The following RAI1 variants were observed in gnomAD, a reference collection of about 807,000 sequenced individuals.
RAI1 encodes retinoic acid induced 1.
Under a neutral mutation model 123.8 loss-of-function variants are expected in RAI1, and 9 were observed. The observed-to-expected ratio is 0.07, with a 90% CI of 0.04 to 0.13. The LOEUF (loss-of-function observed/expected upper bound fraction) is 0.13, where lower values mean the gene tolerates loss of function less well. Ranked by LOEUF, RAI1 falls within the 10% of genes least tolerant of loss-of-function variation. RAI1 has a pLI of 1.00. For synonymous variants in RAI1, 1,231 were observed against 1,127.3 expected (o/e 1.09, Z -1.84); for missense variants, 2,256 against 2,545.8 (o/e 0.89, Z 2.45).
intron 1 of RAI1, among the ~76,000 whole-genome samples, chr17:17,695,649 C>T (rs532884656): frequency 6.6e-6 from 1 of 152,214 alleles, no homozygotes; most frequent in African/African-American, 2.4e-5. Flanking sequence ...GCCTCAGCCT[C>T]CCGAGTAGCT....
At chr17:17,723,667 C>A (rs545988772) in intron 1 of RAI1, among the ~76,000 whole-genome samples, 1 of 147,190 alleles carries the variant, frequency 6.8e-6, no homozygotes, top group Non-Finnish European at 1.5e-5. Flanking sequence ...TCATCTCTCG[C>A]CCCCCCGCCC....
chr17:17,756,483 A>G lies in RAI1; in HGVS notation c.-17+32324A>G, dbSNP rs757428507. ...AAGTGCTGGGATTACAGGTGTGAGC[A>G]CTGCACCTGGCATGAATGAATTTTT... On this transcript the variant is annotated intron_variant, in intron 2 of 5. Coordinates refer to ENST00000353383, the MANE Select transcript of RAI1 (RefSeq NM_030665.4). Among the ~76,000 whole-genome samples the G allele has an allele frequency of 2.4e-4, 37 of 152,258 alleles. 1 individual carries two copies. The highest frequency in any genetic ancestry group is 1.7e-3 in the Admixed American group (26 of 15,294).
At chr17:17,700,774 G>T (rs951603133) in intron 1 of RAI1, among the ~76,000 whole-genome samples, 12 of 152,100 alleles carry the variant, frequency 7.9e-5, no homozygotes, top group African/African-American at 2.9e-4. Flanking sequence ...GCGGAGATCC[G>T]CTCGCCCGCT....
chr17:17,772,211 A>T (rs557063192), intron 2 of RAI1, among the ~76,000 whole-genome samples: 1 of 152,110 alleles, frequency 6.6e-6, no homozygotes, highest in Non-Finnish European at 1.5e-5. Context: ...GGAGAAATCT[A>T]TTCCTCCCCA....
Position 17,811,305 on chromosome 17 carries a change from CTTA to C in RAI1, c.*1328_*1330del, listed in dbSNP as rs926801708. 3.1e-5 allele frequency: 9 copies of C among 285,948 alleles called. No homozygotes were observed. Among genetic ancestry groups the C allele is most frequent in the Non-Finnish European group, 5.5e-5 (8 of 146,430 alleles). 17.7% of individuals were successfully genotyped at this position (285,948 alleles called of 1,614,324 possible). A position where few individuals can be genotyped will look rare whatever the true frequency, so the allele number is the denominator to read the frequency against. On this transcript the variant is annotated 3_prime_UTR_variant, in exon 6 of 6. Transcript: ENST00000353383. ...TGTAAATGTTAAGACGACTAGTGTT[CTTA>C]TTAGTATATTGCTTCACACTGAAGA... is the stretch of plus-strand genomic sequence containing the variant.
In RAI1 at chr17:17,800,180, GTCTCTC is replaced by G. The variant is rs58147049; in HGVS notation, c.5565+1710_5565+1715del. ...TCTCTCCTGCTTTCTGTCTCTCTCT[GTCTCTC>G]TCTCTCTCTCTCTCTCTCTCTCTCT... On this transcript the variant is annotated intron_variant, in intron 3 of 5. Coordinates refer to ENST00000353383, the MANE Select transcript of RAI1 (RefSeq NM_030665.4). The surrounding 1 kb of genome is among the most constrained non-coding windows in gnomAD (Gnocchi z 4.7). 0.34 allele frequency among the ~76,000 whole-genome samples: 39,615 copies of G among 116,708 alleles called. 7,867 individuals carry two copies. Among genetic ancestry groups the G allele is most frequent in the East Asian group, 0.76 (3,594 of 4,712 alleles). The allele number at this position is 116,708 out of a possible 152,430, so 76.6% of individuals were successfully genotyped here.
chr17:17,757,002 C>T (rs545966811), intron 2 of RAI1, among the ~76,000 whole-genome samples: 8 of 152,304 alleles, frequency 5.3e-5, no homozygotes, highest in Admixed American at 1.3e-4. Flanking sequence ...TGCTGAATGC[C>T]GGGCCCTGTG....
rs757635861 is a variant in RAI1, at chr17:17,794,552, C to A, written c.1604C>A (p.Ala535Asp). 3.7e-6 allele frequency: 6 copies of A among 1,613,048 alleles called. No homozygotes were observed. The highest frequency in any genetic ancestry group is 2.2e-5 in the East Asian group (1 of 44,902). ...LERSFLYCNQ[A>D]RGSPARVNSN... ...CGCAGCTTCCTCTACTGCAACCAGG[C>A]CCGTGGCAGCCCTGCCAGGGTCAAC... is the stretch of plus-strand genomic sequence containing the variant. Residue 535 changes from alanine to aspartate, a missense_variant, in exon 3 of 6, where the codon GCC (alanine) becomes GAC (aspartate). Physicochemically the swap from Ala to Asp is moderately radical, Grantham distance 126. This residue lies in a region of RAI1 where 357 missense variants were observed against 480.2 expected (regional missense o/e 0.74). Transcript: ENST00000353383.
intron 2 of RAI1, among the ~76,000 whole-genome samples, chr17:17,784,846 C>A (rs2031768127): frequency 6.6e-6 from 1 of 152,154 alleles, no homozygotes; most frequent in African/African-American, 2.4e-5. Flanking sequence ...CGGGGAAGGC[C>A]CAGAGAATTT....
At position 17,793,396 on chromosome 17, in the gene RAI1, G is replaced by A. The variant is rs2032096832; in HGVS notation, c.448G>A (p.Ala150Thr). ...TGATGAGAACTTGATGAAAAAGACA[G>A]CAGTGCCCCCCAGCAGGCAGTATGC... is the stretch of plus-strand genomic sequence containing the variant. ...KYDENLMKKT[A>T]VPPSRQYAEQ... The change falls in exon 3 of 6, where the codon GCA (alanine) becomes ACA (threonine). Residue 150 changes from alanine to threonine, a missense_variant. By Grantham distance (58) the Ala-to-Thr change is moderately conservative. This residue lies in a region of RAI1 where 336 missense variants were observed against 349.8 expected (regional missense o/e 0.96). Transcript: ENST00000353383. 6.2e-7 allele frequency: 1 copy of A among 1,613,640 alleles called. No homozygotes were observed. Among genetic ancestry groups the A allele is most frequent in the Non-Finnish European group, 8.5e-7 (1 of 1,179,968 alleles).
chr17:17,781,044 A>T (rs1598076122), intron 2 of RAI1, among the ~76,000 whole-genome samples: 1 of 150,004 alleles, frequency 6.7e-6, no homozygotes, highest in East Asian at 2.0e-4. Flanking sequence ...TGGAATCTCC[A>T]CCCCCCACCA....
chr17:17,681,821 G>A, intron 1 of RAI1, 28 bp downstream of exon 1: 1 of 299,138 alleles, frequency 3.3e-6, no homozygotes. Context: ...GGGCGCGGGG[G>A]GCGCAGTGTA....
chr17:17,711,231 T>C (rs1915557053), intron 1 of RAI1, among the ~76,000 whole-genome samples: 1 of 152,188 alleles, frequency 6.6e-6, no homozygotes, highest in Admixed American at 6.5e-5. Context: ...GGCTGGGGGT[T>C]GTCCCTCCTC....
chr17:17,741,137 ACACT>A (rs766403451), intron 2 of RAI1, among the ~76,000 whole-genome samples: 7 of 152,182 alleles, frequency 4.6e-5, no homozygotes, highest in South Asian at 2.1e-4. Flanking sequence ...ACGCACGCTC[ACACT>A]CACACACTTA....
intron 1 of RAI1, among the ~76,000 whole-genome samples, chr17:17,710,260 G>A (rs1302229357): frequency 6.6e-6 from 1 of 152,160 alleles, no homozygotes; most frequent in Non-Finnish European, 1.5e-5. Flanking sequence ...ATTTCAAGGA[G>A]AAGGGCTGCC....
chr17:17,695,960 C>T (rs914924884), intron 1 of RAI1, among the ~76,000 whole-genome samples: 1 of 152,210 alleles, frequency 6.6e-6, no homozygotes, highest in African/African-American at 2.4e-5. Flanking sequence ...GTCCTCGCGC[C>T]TTTCTCCCTC....
chr17:17,701,194 G>A (rs1024906511), intron 1 of RAI1, among the ~76,000 whole-genome samples: 2 of 152,168 alleles, frequency 1.3e-5, no homozygotes, highest in Non-Finnish European at 2.9e-5. Context: ...GTCTGGGTGT[G>A]TCCTCCCTCT....
intron 1 of RAI1, among the ~76,000 whole-genome samples, chr17:17,700,275 G>A (rs765997370): frequency 5.8e-4 from 89 of 152,218 alleles, no homozygotes; most frequent in Admixed American, 8.5e-4. Flanking sequence ...GCTCTCGGAC[G>A]CAGCCTGGAA....
chr17:17,703,795 C>A (rs986283495), intron 1 of RAI1, among the ~76,000 whole-genome samples: 1 of 152,214 alleles, frequency 6.6e-6, no homozygotes, highest in Non-Finnish European at 1.5e-5. Context: ...CATGAGCCTT[C>A]ATGCCTAGCT....
Sources: gnomAD v4.1 joint callset for allele counts (sites outside exome capture counted in the v4.1 genomes callset) on GRCh38, gnomAD v4.1.1 for gene constraint, gnomAD v4.1.1 regional missense constraint, Gnocchi (gnomAD v3.1) non-coding constraint, MANE v1.5 for transcripts, NCBI Gene and HGNC (gene_info 2026-07-23, HGNC 2026-07-21) for gene names.